ALDH1A3: variants seen among roughly 807,000 people sequenced by gnomAD.
ALDH1A3 encodes retinaldehyde dehydrogenase 3.
Under a neutral mutation model 57.5 loss-of-function variants are expected in ALDH1A3, and 28 were observed. The ratio of observed to expected loss-of-function variants is 0.49; its 90% CI spans 0.36 to 0.67. ALDH1A3 has a LOEUF of 0.67. Among genes scored for constraint, ALDH1A3 ranks in the 30% least tolerant of loss-of-function variants. The pLI, the probability that ALDH1A3 is intolerant of heterozygous loss-of-function variation, is 0.00. For synonymous variants in ALDH1A3, 281 were observed against 264.8 expected (o/e 1.06, Z -0.59); for missense variants, 507 against 669.4 (o/e 0.76, Z 2.68).
chr15:100,880,573 G>A (rs2041537992), intron 1 of ALDH1A3: 1 of 200,014 alleles, frequency 5.0e-6, no homozygotes, highest in Non-Finnish European at 1.0e-5. Context: ...AGCAGAACGA[G>A]GAGGAGTAGG....
At chr15:100,882,137 A>G (rs1395578393) in intron 1 of ALDH1A3, among the ~76,000 whole-genome samples, 1 of 152,216 alleles carries the variant, frequency 6.6e-6, no homozygotes, top group Non-Finnish European at 1.5e-5. Context: ...AAATTGACTC[A>G]TGGTGCTTCT....
intron 1 of ALDH1A3, among the ~76,000 whole-genome samples, chr15:100,883,756 G>A (rs1158407094): frequency 6.6e-6 from 1 of 151,938 alleles, no homozygotes; most frequent in Non-Finnish European, 1.5e-5. Flanking sequence ...TTGCTGCATG[G>A]ATCAACCCAT....
At chr15:100,900,499 G>A in intron 8 of ALDH1A3, 76 bp from the exon 9 acceptor site, 1 of 1,348,384 alleles carries the variant, frequency 7.4e-7, no homozygotes, top group Non-Finnish European at 1.0e-6. Flanking sequence ...TAGAATTGCA[G>A]CTGTCACCAG....
intron 7 of ALDH1A3, among the ~76,000 whole-genome samples, chr15:100,896,897 G>A (rs998527758): frequency 5.3e-5 from 8 of 152,204 alleles, no homozygotes; most frequent in African/African-American, 1.7e-4. Context: ...GTGTGTGCTT[G>A]TAGAAGTAGA....
At position 100,887,698 on chromosome 15, in the gene ALDH1A3, C is replaced by T. The variant is rs1392105920; in HGVS notation, c.331C>T (p.Arg111Cys). ...HQLADLVERDRATLAALETMD... is the reference protein window; with the variant it reads ...HQLADLVERDCATLAALETMD... ...GCTGGCTGACCTGGTGGAGAGGGAC[C>T]GCGCCACCTTGGCCGTGAGTACATG... Residue 111 changes from arginine to cysteine, a missense_variant, in exon 3 of 13, where the codon CGC becomes TGC. Around this residue, in one of 2 missense-constraint regions of ALDH1A3, gnomAD observed 432 missense variants for 608.4 expected, o/e 0.71. Coordinates refer to ENST00000329841, the MANE Select transcript of ALDH1A3 (RefSeq NM_000693.4). This position sits in a 1 kb window ranked among gnomAD's most constrained non-coding sequence, Gnocchi z 4.6. 4.4e-6 allele frequency: 7 copies of T among 1,604,306 alleles called. No individual in the cohort carries two copies. The highest frequency in any genetic ancestry group is 5.1e-6 in the Non-Finnish European group (6 of 1,174,670).
In ALDH1A3 at chr15:100,880,003, C is replaced by A. The variant is rs756495290; in HGVS notation, c.96C>A (p.Thr32=). The part of the protein sequence containing the change: ...RPIRNLEVKF[T]KIFINNEWHE... ...TCCGCAACCTGGAGGTCAAGTTCAC[C>A]AAGGTGAGGCGGGCGCCCCTCCCAC... is the stretch of plus-strand genomic sequence containing the variant. The change falls in exon 1 of 13, where the codon ACC becomes ACA. Residue 32 remains threonine (T), a synonymous_variant. Transcript: ENST00000329841. 5.5e-6 allele frequency: 8 copies of A among 1,464,606 alleles called. No homozygotes were observed. Among genetic ancestry groups the A allele is most frequent in the Middle Eastern group, 3.7e-4 (2 of 5,416 alleles). The allele number at this position is 1,464,606 out of a possible 1,614,324, so 90.7% of individuals were successfully genotyped here.
intron 6 of ALDH1A3, chr15:100,895,704 T>G (rs2041695649): frequency 3.5e-6 from 2 of 564,898 alleles, no homozygotes; most frequent in South Asian, 2.2e-5. Context: ...GAAGGAGAAG[T>G]GGGCATCTCC....
chr15:100,890,642 G>A (rs2041639645), intron 3 of ALDH1A3, among the ~76,000 whole-genome samples: 1 of 152,214 alleles, frequency 6.6e-6, no homozygotes. Flanking sequence ...GAGAGGTTAA[G>A]TAACCTGTCC....
intron 9 of ALDH1A3, among the ~76,000 whole-genome samples, chr15:100,904,663 G>A (rs1184593918): frequency 6.6e-6 from 1 of 152,208 alleles, no homozygotes; most frequent in African/African-American, 2.4e-5. Flanking sequence ...GGCAGAAAGA[G>A]CATTTTCCCT....
rs560817271 is a variant in ALDH1A3, at chr15:100,916,233, C to T, written c.*1460C>T. The stretch of plus-strand genomic sequence containing the variant: ...CAGCTAACACTTATCACTTATACTA[C>T]CAATAACTTGTTAAATCAGGATTTG... On this transcript the variant is annotated 3_prime_UTR_variant, in exon 13 of 13. Transcript: ENST00000329841. 6.6e-6 allele frequency: 1 copy of T among 152,330 alleles called. No homozygotes were observed. The highest frequency in any genetic ancestry group is 6.5e-5 in the Admixed American group (1 of 15,302). The allele number at this position is 152,330 out of a possible 1,614,324, so 9.4% of individuals were successfully genotyped here.
In ALDH1A3 at chr15:100,887,382, CA is replaced by C. The variant is rs2041606027; in HGVS notation, c.205-186del. ...GATGACACCCAAACTGCAGTCACCT[CA>C]AAAGATGACACCGAAACTGCAGTCA... On this transcript the variant is annotated intron_variant, in intron 2 of 12. Transcript: ENST00000329841. This position sits in a 1 kb window ranked among gnomAD's most constrained non-coding sequence, Gnocchi z 4.6. 6.6e-6 allele frequency among the ~76,000 whole-genome samples: 1 copy of C among 151,994 alleles called. No homozygotes were observed. The highest frequency in any genetic ancestry group is 2.1e-4 in the South Asian group (1 of 4,812).
chr15:100,910,008 T>C (rs952705799), intron 12 of ALDH1A3, among the ~76,000 whole-genome samples: 3 of 152,220 alleles, frequency 2.0e-5, no homozygotes, highest in African/African-American at 7.2e-5. Flanking sequence ...TGGGCCTTGG[T>C]TGGGGCCTTT....
In ALDH1A3 at chr15:100,893,221, G is replaced by A. The variant is rs1232697104; in HGVS notation, c.537+215G>A. 3 of 453,548 alleles carry A rather than the reference G, an allele frequency of 6.6e-6. No individual in the cohort carries two copies. The highest frequency in any genetic ancestry group is 7.8e-6 in the Non-Finnish European group (2 of 257,092). The allele number at this position is 453,548 out of a possible 1,614,324, so 28.1% of individuals were successfully genotyped here. A position where few individuals can be genotyped will look rare whatever the true frequency, so the allele number is the denominator to read the frequency against. ...ACCGGCTTTAGGCATGCCACAGAAA[G>A]CACTGTGGTTCCCAGCCAGAGTGGT... On this transcript the variant is annotated intron_variant, in intron 5 of 12. Transcript: ENST00000329841. This position sits in a 1 kb window ranked among gnomAD's most constrained non-coding sequence, Gnocchi z 4.8.
chr15:100,892,772 A>C, intron 4 of ALDH1A3, 133 bp downstream of exon 4: 1 of 1,382,934 alleles, frequency 7.2e-7, no homozygotes, highest in Admixed American at 2.4e-5. Context: ...GGTACTGCCA[A>C]TTCTTCTTCT....
intron 6 of ALDH1A3, chr15:100,895,035 G>A (rs563249901): frequency 2.0e-5 from 3 of 152,326 alleles, no homozygotes; most frequent in African/African-American, 4.8e-5. Flanking sequence ...AAAACACGAG[G>A]CATGAACGTG....
intron 2 of ALDH1A3, among the ~76,000 whole-genome samples, chr15:100,885,903 C>T (rs1302111727): frequency 1.3e-5 from 2 of 152,216 alleles, no homozygotes; most frequent in South Asian, 2.1e-4. Flanking sequence ...ACCTTTATCA[C>T]TCTATTTGCA....
chr15:100,914,243 T>C (rs1443523537), intron 12 of ALDH1A3: 3 of 155,104 alleles, frequency 1.9e-5, no homozygotes, highest in African/African-American at 4.8e-5. Context: ...CCCCAGCCAA[T>C]AGCTTTGGGC....
rs2041914462 is a variant in ALDH1A3 at position 100,914,802 on chromosome 15, TCGGA to T, written c.*33_*36del. 1.9e-6 allele frequency: 3 copies of T among 1,608,420 alleles called. No individual in the cohort carries two copies. The highest frequency in any genetic ancestry group is 2.6e-6 in the Non-Finnish European group (3 of 1,175,468). On this transcript the variant is annotated 3_prime_UTR_variant, in exon 13 of 13. Transcript: ENST00000329841. ...AAAGGCGGGGCTCCTTCCTCAAACA[TCGGA>T]CGGCGGAATGTGGCAGATGAAATGT...
intron 1 of ALDH1A3, among the ~76,000 whole-genome samples, chr15:100,883,467 G>A (rs1025391747): frequency 7.2e-5 from 11 of 152,138 alleles, no homozygotes; most frequent in Non-Finnish European, 1.5e-4. Flanking sequence ...CATTGGAGAC[G>A]CTAAGCTTCC....
Sources: gnomAD v4.1 joint callset for allele counts (sites outside exome capture counted in the v4.1 genomes callset) on GRCh38, gnomAD v4.1.1 for gene constraint, gnomAD v4.1.1 regional missense constraint, Gnocchi (gnomAD v3.1) non-coding constraint, MANE v1.5 for transcripts, NCBI Gene and HGNC (gene_info 2026-07-23, HGNC 2026-07-21) for gene names.